Variants in TMEM45A observed in about 807,000 individuals in gnomAD.
TMEM45A encodes the protein DNA polymerase-transactivated protein 4.
A neutral mutation model predicts 32.0 loss-of-function variants in TMEM45A; 25 were observed. The observed-to-expected ratio is 0.78, with a 90% CI of 0.57 to 1.09. TMEM45A has a LOEUF of 1.09. TMEM45A is among the 50% of genes least tolerant of loss of function. The probability of loss-of-function intolerance (pLI) is 0.00; values close to 1 mark genes in which losing one functional copy is unlikely to be tolerated. For synonymous variants in TMEM45A, 122 were observed against 114.8 expected, an observed-to-expected ratio of 1.06 and a Z score of -0.40; for missense variants, 302 against 325.0, an observed-to-expected ratio of 0.93 and a Z score of 0.54.
chr3:100,573,407 G>A (rs1706612511), intron 5 of TMEM45A: 1 of 152,142 alleles, frequency 6.6e-6, no homozygotes, highest in South Asian at 2.1e-4. Context: ...CTGTTTGTCT[G>A]TTATTGGTGT....
intron 1 of TMEM45A, among the ~76,000 whole-genome samples, chr3:100,536,778 C>A (rs1036520398): frequency 1.3e-5 from 2 of 152,206 alleles, no homozygotes; most frequent in East Asian, 3.8e-4. Context: ...CCTTTCGATG[C>A]AGTTCCACTG....
intron 1 of TMEM45A, among the ~76,000 whole-genome samples, chr3:100,497,827 G>A (rs961338135): frequency 6.6e-6 from 1 of 152,146 alleles, no homozygotes; most frequent in Admixed American, 6.5e-5. Context: ...GACTTAGGTT[G>A]TTTTCACCTG....
chr3:100,563,973 A>G (rs777364995), intron 4 of TMEM45A, among the ~76,000 whole-genome samples: 7 of 152,178 alleles, frequency 4.6e-5, no homozygotes, highest in Non-Finnish European at 8.8e-5. Flanking sequence ...TTTAGAATAT[A>G]TCCATGTTCT....
At chr3:100,559,876 G>A (rs1706296176) in intron 4 of TMEM45A, among the ~76,000 whole-genome samples, 1 of 151,986 alleles carries the variant, frequency 6.6e-6, no homozygotes, top group Non-Finnish European at 1.5e-5. Context: ...CAATAAAGTA[G>A]AAAACACTAA....
chr3:100,568,661 A>G (rs914403437), intron 4 of TMEM45A, among the ~76,000 whole-genome samples, 161 bp from the exon 5 acceptor site: 1 of 152,250 alleles, frequency 6.6e-6, no homozygotes, highest in African/African-American at 2.4e-5. Context: ...GAGACTCTCT[A>G]TATTACTAAA....
chr3:100,519,592 G>A (rs545581155), intron 1 of TMEM45A: 30 of 1,550,894 alleles, frequency 1.9e-5, no homozygotes, highest in Non-Finnish European at 2.6e-5. Context: ...GGGAAAATGG[G>A]ATTTAAACAC....
chr3:100,514,492 CTTAAACA>C (rs1708226610), intron 1 of TMEM45A, among the ~76,000 whole-genome samples: 2 of 151,962 alleles, frequency 1.3e-5, no homozygotes, highest in South Asian at 4.2e-4. Context: ...GGATTAAAGA[CTTAAACA>C]TTAGACCTAA....
At chr3:100,527,182 G>T (rs1019712202) in intron 1 of TMEM45A, among the ~76,000 whole-genome samples, 2 of 152,076 alleles carry the variant, frequency 1.3e-5, no homozygotes, top group African/African-American at 4.8e-5. Flanking sequence ...CAGAGTTAGT[G>T]CACAATAGAT....
chr3:100,552,467 A>G (rs1433806154), intron 1 of TMEM45A, among the ~76,000 whole-genome samples: 1 of 152,252 alleles, frequency 6.6e-6, no homozygotes, highest in Non-Finnish European at 1.5e-5. Flanking sequence ...AGAGGGGATC[A>G]ATGTTAGACA....
At chr3:100,552,459 A>G (rs1706128230) in intron 1 of TMEM45A, among the ~76,000 whole-genome samples, 1 of 152,204 alleles carries the variant, frequency 6.6e-6, no homozygotes, top group Non-Finnish European at 1.5e-5. Context: ...CTACCCCTAG[A>G]GGGGATCAAT....
At chr3:100,573,320 C>G (rs1323254189) in intron 5 of TMEM45A, 1 of 151,690 alleles carries the variant, frequency 6.6e-6, no homozygotes, top group Admixed American at 6.6e-5. Context: ...CCTTCACATC[C>G]CTTGTAAGTT....
chr3:100,513,741 C>T (rs1432377043), intron 1 of TMEM45A, among the ~76,000 whole-genome samples: 1 of 152,130 alleles, frequency 6.6e-6, no homozygotes, highest in East Asian at 1.9e-4. Context: ...CATCTCAGCC[C>T]AAAATCTCCA....
intron 1 of TMEM45A, among the ~76,000 whole-genome samples, chr3:100,528,319 CAG>C (rs1705586193): frequency 6.6e-6 from 1 of 152,230 alleles, no homozygotes; most frequent in South Asian, 2.1e-4. Context: ...TGTTCTCCCT[CAG>C]GGGTGTGCAA....
chr3:100,555,927 A>G (rs1706213088), intron 2 of TMEM45A, among the ~76,000 whole-genome samples: 1 of 152,226 alleles, frequency 6.6e-6, no homozygotes, highest in Admixed American at 6.5e-5. Context: ...TATCTGTAGG[A>G]AAGTTTAACT....
chr3:100,496,339 G>T (rs762522864), intron 1 of TMEM45A, among the ~76,000 whole-genome samples: 1 of 152,214 alleles, frequency 6.6e-6, no homozygotes, highest in Non-Finnish European at 1.5e-5. Context: ...ACATCCTCCT[G>T]TGAGGGTTGG....
intron 4 of TMEM45A, among the ~76,000 whole-genome samples, chr3:100,565,743 A>G (rs955765743): frequency 6.6e-6 from 1 of 152,118 alleles, no homozygotes; most frequent in African/African-American, 2.4e-5. Context: ...CCAGTTATCT[A>G]TTATCTCTCT....
intron 1 of TMEM45A, among the ~76,000 whole-genome samples, chr3:100,506,677 C>T (rs1214805365): frequency 6.6e-6 from 1 of 152,174 alleles, no homozygotes; most frequent in Non-Finnish European, 1.5e-5. Context: ...CTTGCCATTG[C>T]ATTATGGTAA....
chr3:100,541,024 G>T (rs1193366322), intron 1 of TMEM45A, among the ~76,000 whole-genome samples: 1 of 152,156 alleles, frequency 6.6e-6, no homozygotes, highest in Non-Finnish European at 1.5e-5. Context: ...CCCTCTGACT[G>T]GTATGAGATG....
At chr3:100,568,071 C>A (rs1706480898) in intron 4 of TMEM45A, among the ~76,000 whole-genome samples, 1 of 152,208 alleles carries the variant, frequency 6.6e-6, no homozygotes, top group African/African-American at 2.4e-5. Context: ...AGGCGTGAGC[C>A]ACCACGCCTG....
Sources: gnomAD v4.1 joint callset for allele counts (sites outside exome capture counted in the v4.1 genomes callset) on GRCh38, gnomAD v4.1.1 for gene constraint, MANE v1.5 for transcripts, NCBI Gene and HGNC (gene_info 2026-07-23, HGNC 2026-07-21) for gene names.